PLXDC2: variants seen among roughly 807,000 people sequenced by gnomAD.
PLXDC2 encodes plexin domain-containing protein 2.
PLXDC2 carries 40 observed loss-of-function variants against 68.9 expected under a neutral mutation model. That is an observed-to-expected ratio of 0.58 (90% confidence interval 0.45 to 0.76). PLXDC2 has a LOEUF of 0.76. Among genes scored for constraint, PLXDC2 ranks in the 30% least tolerant of loss-of-function variants. PLXDC2 has a pLI of 0.00. For missense variants in PLXDC2, 644 were observed against 661.9 expected, an observed-to-expected ratio of 0.97 and a Z score of 0.30; for synonymous variants, 243 against 234.2, an observed-to-expected ratio of 1.04 and a Z score of -0.34.
chr10:19,965,116 A>G (rs1280420400), intron 1 of PLXDC2, among the ~76,000 whole-genome samples: 1 of 152,200 alleles, frequency 6.6e-6, no homozygotes, highest in Non-Finnish European at 1.5e-5. Context: ...AATAATTTGC[A>G]TTATTCAAAA....
At position 19,994,312 on chromosome 10, in the gene PLXDC2, A is replaced by ATT. The variant is rs869124443; in HGVS notation, c.113-7436_113-7435dup. 6.7e-3 allele frequency among the ~76,000 whole-genome samples: 229 copies of ATT among 34,320 alleles called. 12 individuals are homozygous for ATT. Among genetic ancestry groups the ATT allele is most frequent in the African/African-American group, 0.024 (190 of 8,046 alleles). 22.5% of individuals were successfully genotyped at this position (34,320 alleles called of 152,430 possible). A position where few individuals can be genotyped will look rare whatever the true frequency, so the allele number is the denominator to read the frequency against. ...TCTGACTACTTGGAAACATGATTAA[A>ATT]TTTTTTTTTTTTTTTTTTTTTTTTT... On this transcript the variant is annotated intron_variant, in intron 1 of 13. Coordinates refer to ENST00000377252, the MANE Select transcript of PLXDC2 (RefSeq NM_032812.9).
chr10:19,939,463 C>T (rs1056602313), intron 1 of PLXDC2, among the ~76,000 whole-genome samples: 12 of 151,934 alleles, frequency 7.9e-5, no homozygotes, highest in African/African-American at 2.9e-4. Context: ...TAAATTACAT[C>T]AAATTAGGGT....
intron 9 of PLXDC2, among the ~76,000 whole-genome samples, chr10:20,206,771 C>A (rs11011868): frequency 0.24 from 36,443 of 151,670 alleles, 5,734 homozygotes; most frequent in Middle Eastern, 0.36. Context: ...TGTGGGAGAG[C>A]CTCTTTGTGA....
chr10:20,018,437 T>C (rs1472736879), intron 2 of PLXDC2, among the ~76,000 whole-genome samples: 1 of 152,204 alleles, frequency 6.6e-6, no homozygotes, highest in Non-Finnish European at 1.5e-5. Context: ...TAAGAACAAA[T>C]CATTAAAAAT....
intron 7 of PLXDC2, 32 bp from the exon 8 acceptor site, chr10:20,176,967 T>C: frequency 1.3e-6 from 2 of 1,491,620 alleles, no homozygotes; most frequent in South Asian, 2.3e-5. Context: ...GAGGAAAGGT[T>C]AAAAATTGAT....
At chr10:19,863,840 G>A (rs1272789309) in intron 1 of PLXDC2, among the ~76,000 whole-genome samples, 1 of 151,792 alleles carries the variant, frequency 6.6e-6, no homozygotes, top group African/African-American at 2.4e-5. Flanking sequence ...TAATATCAGA[G>A]GGAAAGAGTA....
At chr10:19,888,286 C>G (rs1837885617) in intron 1 of PLXDC2, among the ~76,000 whole-genome samples, 1 of 152,148 alleles carries the variant, frequency 6.6e-6, no homozygotes, top group African/African-American at 2.4e-5. Context: ...GTGTACAGAA[C>G]AACTGGGAAA....
rs1388452260 is a variant in PLXDC2 at position 20,286,492 on chromosome 10, C to T, written c.*6673C>T. The T allele has an allele frequency of 1.3e-5, 2 of 152,004 alleles. No individual in the cohort carries two copies. Among genetic ancestry groups the T allele is most frequent in the East Asian group, 3.9e-4 (2 of 5,190 alleles). The allele number at this position is 152,004 out of a possible 1,614,324, so 9.4% of individuals were successfully genotyped here. On this transcript the variant is annotated 3_prime_UTR_variant, in exon 14 of 14. Transcript: ENST00000377252. ...ATTTTTAACAGCAGTCTCTCTTTTT[C>T]TCAGCATTGCAAATATATATGTATA...
chr10:20,142,743 G>C (rs1164279104), intron 4 of PLXDC2, among the ~76,000 whole-genome samples: 1 of 151,762 alleles, frequency 6.6e-6, no homozygotes, highest in African/African-American at 2.4e-5. Flanking sequence ...ATAGAGGCTT[G>C]AGCAAACCAA....
At chr10:20,058,717 G>T (rs1836046792) in intron 3 of PLXDC2, among the ~76,000 whole-genome samples, 1 of 152,072 alleles carries the variant, frequency 6.6e-6, no homozygotes, top group African/African-American at 2.4e-5. Context: ...TTTTTGTCTT[G>T]CCCTGTTTGA....
At chr10:19,963,492 GGA>G (rs1315170108) in intron 1 of PLXDC2, among the ~76,000 whole-genome samples, 1 of 152,056 alleles carries the variant, frequency 6.6e-6, no homozygotes, top group Non-Finnish European at 1.5e-5. Context: ...ATATACCATG[GGA>G]TACTATGCAG....
chr10:19,970,407 G>T (rs1367348689), intron 1 of PLXDC2, among the ~76,000 whole-genome samples: 1 of 152,154 alleles, frequency 6.6e-6, no homozygotes, highest in Non-Finnish European at 1.5e-5. Context: ...GTTCATATGA[G>T]GGAAATGGAA....
chr10:19,948,739 A>G (rs1021325352), intron 1 of PLXDC2, among the ~76,000 whole-genome samples: 1 of 152,044 alleles, frequency 6.6e-6, no homozygotes, highest in Non-Finnish European at 1.5e-5. Context: ...GTTGATAATA[A>G]AAGAACTTGA....
intron 1 of PLXDC2, among the ~76,000 whole-genome samples, chr10:19,827,257 T>A (rs1370115370): frequency 6.6e-6 from 1 of 152,218 alleles, no homozygotes. Context: ...TGATACACAG[T>A]CTTAATTACT....
At position 20,001,944 on chromosome 10, in the gene PLXDC2, C is replaced by T; in HGVS notation, c.282C>T (p.Asp94=). 1.2e-6 allele frequency: 2 copies of T among 1,612,966 alleles called. No homozygotes were observed. Among genetic ancestry groups the T allele is most frequent in the South Asian group, 2.2e-5 (2 of 91,028 alleles). ...CTCCTGAGCCCAGAAGCTTCACAGA[C>T]CTGCTGCTGGATGATGGGCAGGACA... ...QDSPEPRSFT[D]LLLDDGQDNN... The change falls in exon 2 of 14, where the codon GAC becomes GAT. Residue 94 remains aspartate (D), a synonymous_variant. Coordinates refer to ENST00000377252, the MANE Select transcript of PLXDC2 (RefSeq NM_032812.9).
chr10:19,975,676 C>A (rs1204980494), intron 1 of PLXDC2, among the ~76,000 whole-genome samples: 1 of 152,134 alleles, frequency 6.6e-6, no homozygotes, highest in African/African-American at 2.4e-5. Flanking sequence ...TTCCCTATTT[C>A]ATAAATTTCT....
chr10:20,124,795 CA>C (rs1172212788), intron 4 of PLXDC2, among the ~76,000 whole-genome samples: 2 of 151,634 alleles, frequency 1.3e-5, no homozygotes, highest in East Asian at 1.9e-4. Flanking sequence ...AAGACATTGT[CA>C]TCAGTTAAGG....
intron 9 of PLXDC2, among the ~76,000 whole-genome samples, chr10:20,183,749 A>G (rs1834640291): frequency 6.6e-6 from 1 of 152,030 alleles, no homozygotes; most frequent in Non-Finnish European, 1.5e-5. Flanking sequence ...AGGAATATCT[A>G]CTTTCCTGAG....
At chr10:19,941,227 C>T (rs1207597848) in intron 1 of PLXDC2, among the ~76,000 whole-genome samples, 1 of 152,152 alleles carries the variant, frequency 6.6e-6, no homozygotes, top group Non-Finnish European at 1.5e-5. Flanking sequence ...CCGTGTGAGT[C>T]TGCTATGTAT....
Sources: allele counts gnomAD v4.1 joint callset (sites outside exome capture counted in the v4.1 genomes callset), GRCh38; gene constraint gnomAD v4.1.1; transcripts MANE v1.5; gene names NCBI Gene and HGNC (gene_info 2026-07-23, HGNC 2026-07-21).